Variants in GLI2 observed in about 807,000 individuals in gnomAD.
GLI2 encodes the protein transcription activator GLI2.
Under a neutral mutation model 78.9 loss-of-function variants are expected in GLI2, and 22 were observed. The observed-to-expected ratio is 0.28, with a 90% confidence interval of 0.20 to 0.40. GLI2 has a LOEUF of 0.40. Among genes scored for constraint, GLI2 ranks in the 10% least tolerant of loss-of-function variants. The pLI is 1.00. For synonymous variants in GLI2, 974 were observed against 963.7 expected, an observed-to-expected ratio of 1.01 and a Z score of -0.20; for missense variants, 2,097 against 2,213.2, an observed-to-expected ratio of 0.95 and a Z score of 1.05.
At chr2:120,960,181 T>C (rs967626640) in intron 5 of GLI2, among the ~76,000 whole-genome samples, 1 of 152,192 alleles carries the variant, frequency 6.6e-6, no homozygotes, top group African/African-American at 2.4e-5. Context: ...TCCTGGTGCC[T>C]GAGCTCCAGC....
intron 1 of GLI2, among the ~76,000 whole-genome samples, chr2:120,791,537 T>C (rs1298007393): frequency 6.6e-6 from 1 of 152,236 alleles, no homozygotes; most frequent in African/African-American, 2.4e-5. Context: ...CTCTTCACTC[T>C]GGGAAATTTC....
At chr2:120,880,004 C>T (rs1379645674) in intron 2 of GLI2, among the ~76,000 whole-genome samples, 2 of 152,166 alleles carry the variant, frequency 1.3e-5, no homozygotes, top group African/African-American at 4.8e-5. Context: ...ATGCTAGAGA[C>T]GAGGGTAGGA....
intron 1 of GLI2, among the ~76,000 whole-genome samples, chr2:120,757,622 C>T (rs1683072246): frequency 1.3e-5 from 2 of 152,218 alleles, no homozygotes; most frequent in African/African-American, 4.8e-5. Flanking sequence ...CCAGGGGGAC[C>T]CTCTGCAAGT....
At chr2:120,868,026 C>G (rs549258688) in intron 2 of GLI2, among the ~76,000 whole-genome samples, 1 of 152,208 alleles carries the variant, frequency 6.6e-6, no homozygotes, top group Non-Finnish European at 1.5e-5. Context: ...CCTGCCCCCC[C>G]AGCCTCCCGC....
At chr2:120,987,176 C>A (rs1231073194) in intron 13 of GLI2, among the ~76,000 whole-genome samples, 1 of 152,330 alleles carries the variant, frequency 6.6e-6, no homozygotes, top group South Asian at 2.1e-4. Flanking sequence ...TGGCCAGGCT[C>A]TGAGATGGAA....
chr2:120,934,170 C>T (rs1207937779), intron 3 of GLI2, among the ~76,000 whole-genome samples: 1 of 152,232 alleles, frequency 6.6e-6, no homozygotes, highest in Non-Finnish European at 1.5e-5. Context: ...CCCAGAGCTG[C>T]TTGTTGGCTT....
At chr2:120,854,076 C>G (rs1189313163) in intron 2 of GLI2, among the ~76,000 whole-genome samples, 1 of 152,066 alleles carries the variant, frequency 6.6e-6, no homozygotes, top group African/African-American at 2.4e-5. Flanking sequence ...CAGATTCCTG[C>G]CCTCAAACTG....
At chr2:120,797,257 C>T (rs936086050) in intron 1 of GLI2, 34 bp from the exon 2 acceptor site, 9 of 1,562,262 alleles carry the variant, frequency 5.8e-6, no homozygotes, top group African/African-American at 4.1e-5. Flanking sequence ...GGTTTGGGCT[C>T]AGTGTTGGTG....
chr2:120,988,296 C>T lies in GLI2; in HGVS notation c.2331C>T (p.Ser777=). The T allele has an allele frequency of 1.3e-6, 2 of 1,564,458 alleles. No individual in the cohort carries two copies. The highest frequency in any genetic ancestry group is 2.4e-5 in the East Asian group (1 of 41,844). Residue 777 remains serine (S), a synonymous_variant, in exon 14 of 14, where the codon AGC becomes AGT. Coordinates refer to ENST00000361492, the MANE Select transcript of GLI2 (RefSeq NM_001374353.1). ...CGCGGCTGTCGGAGCTGTCCGCGAG[C>T]GAGGTGACCATGCTGAGCCAGCTGC... ...PNPRLSELSA[S]EVTMLSQLQE... is the part of the protein sequence containing the mutation.
Position 120,737,853 on chromosome 2 carries a change from A to G in GLI2, c.-31+1568A>G, listed in dbSNP as rs967701015. 6.6e-5 allele frequency among the ~76,000 whole-genome samples: 10 copies of G among 152,268 alleles called. No individual in the cohort carries two copies. The highest frequency in any genetic ancestry group is 1.3e-4 in the Non-Finnish European group (9 of 68,048). ...GGCTCGGTGCCAAAAAGTAAAGTAA[A>G]TAAACTGTGAAATCCAAAATATACA... On this transcript the variant is annotated intron_variant, in intron 1 of 13. Coordinates refer to ENST00000361492, the MANE Select transcript of GLI2 (RefSeq NM_001374353.1). The surrounding 1 kb of genome is among the most constrained non-coding windows in gnomAD (Gnocchi z 4.3).
chr2:120,794,819 A>G (rs888013707), intron 1 of GLI2, among the ~76,000 whole-genome samples: 3 of 152,152 alleles, frequency 2.0e-5, no homozygotes, highest in Non-Finnish European at 4.4e-5. Flanking sequence ...GCAGGCAGCA[A>G]TCCCTGAATT....
In GLI2 at chr2:120,982,513, G is replaced by A. The variant is rs75911345; in HGVS notation, c.1468-203G>A. ...GTGTCAGCAGTAGCAGCCCCTGGGCGACCGGTGGTTTTCATTTTTCTCTTT... is the reference window on the plus strand; with the variant it reads ...GTGTCAGCAGTAGCAGCCCCTGGGCAACCGGTGGTTTTCATTTTTCTCTTT... On this transcript the variant is annotated intron_variant, in intron 10 of 13. Coordinates refer to ENST00000361492, the MANE Select transcript of GLI2 (RefSeq NM_001374353.1). 1.1e-4 allele frequency among the ~76,000 whole-genome samples: 17 copies of A among 152,272 alleles called. No homozygotes were observed. The East Asian group carries it at 3.3e-3, about 29-fold the overall frequency.
At chr2:120,987,488 CAG>C (rs1683034139) in intron 13 of GLI2, among the ~76,000 whole-genome samples, 2 of 152,166 alleles carry the variant, frequency 1.3e-5, no homozygotes, top group African/African-American at 4.8e-5. Flanking sequence ...GTGCCCAACT[CAG>C]GGCAGCACTG....
chr2:120,887,481 G>T (rs756009763), intron 2 of GLI2, among the ~76,000 whole-genome samples: 1 of 152,230 alleles, frequency 6.6e-6, no homozygotes, highest in Non-Finnish European at 1.5e-5. Flanking sequence ...CCCACTCCCC[G>T]CGCTGGCGAA....
At chr2:120,896,879 A>C (rs1207978815) in intron 2 of GLI2, among the ~76,000 whole-genome samples, 1 of 152,230 alleles carries the variant, frequency 6.6e-6, no homozygotes, top group Admixed American at 6.5e-5. Context: ...GCCTCCAAAA[A>C]TGCATAGTGT....
In GLI2 at chr2:120,975,041, A is replaced by G; in HGVS notation, c.1249A>G (p.Ile417Val). The G allele has an allele frequency of 6.2e-7, 1 of 1,614,062 alleles. No individual in the cohort carries two copies. Among genetic ancestry groups the G allele is most frequent in the Non-Finnish European group, 8.5e-7 (1 of 1,179,974 alleles). The change falls in exon 9 of 14, where the codon ATC (isoleucine) becomes GTC (valine). Residue 417 changes from isoleucine to valine, a missense_variant. Around this residue, in one of 5 missense-constraint regions of GLI2, gnomAD observed 578 missense variants for 612.0 expected, o/e 0.94. Coordinates refer to ENST00000361492, the MANE Select transcript of GLI2 (RefSeq NM_001374353.1). ...CTGTAAGCAGGAGGCTGAGGTGGTC[A>G]TCTATGAGACCAACTGCCACTGGGA... ...DDCKQEAEVV[I>V]YETNCHWEDC...
chr2:120,988,428 C>T lies in GLI2; in HGVS notation c.2463C>T (p.Ala821=). The T allele has an allele frequency of 6.3e-7, 1 of 1,575,322 alleles. No homozygotes were observed. The highest frequency in any genetic ancestry group is 1.1e-5 in the South Asian group (1 of 87,666). Residue 821 remains alanine, a synonymous_variant, in exon 14 of 14, where the codon GCC becomes GCT. Coordinates refer to ENST00000361492, the MANE Select transcript of GLI2 (RefSeq NM_001374353.1). Reference sequence around the variant, plus strand: ...TCTCCAGCCGCCGCTCCAGCGAGGCCTCGCCCCTGGGCGCCGGCCGCCCGC... The same window carrying T: ...TCTCCAGCCGCCGCTCCAGCGAGGCTTCGCCCCTGGGCGCCGGCCGCCCGC... ...PYFSSRRSSE[A]SPLGAGRPHN... is the part of the protein sequence containing the mutation.
chr2:120,944,633 C>T (rs1191172744), intron 3 of GLI2, among the ~76,000 whole-genome samples: 1 of 152,198 alleles, frequency 6.6e-6, no homozygotes, highest in Admixed American at 6.5e-5. Flanking sequence ...CCAGCACGAG[C>T]CTGCATCTGG....
intron 2 of GLI2, among the ~76,000 whole-genome samples, chr2:120,809,750 C>T (rs989515825): frequency 1.3e-5 from 2 of 152,132 alleles, no homozygotes; most frequent in Non-Finnish European, 2.9e-5. Context: ...CTATAGGCCC[C>T]AGAAGCTCTA....
Sources: allele counts gnomAD v4.1 joint callset (sites outside exome capture counted in the v4.1 genomes callset), GRCh38; gene constraint gnomAD v4.1.1; regional missense constraint gnomAD v4.1.1; non-coding constraint Gnocchi (gnomAD v3.1); transcripts MANE v1.5; gene names NCBI Gene and HGNC (gene_info 2026-07-23, HGNC 2026-07-21).